ULK4: variants seen among roughly 807,000 people sequenced by gnomAD.
ULK4 encodes the protein inactive serine/threonine-protein kinase ULK4.
A neutral mutation model predicts 160.6 loss-of-function variants in ULK4; 133 were observed. The ratio of observed to expected loss-of-function variants is 0.83; its 90% confidence interval spans 0.72 to 0.96. The LOEUF (loss-of-function observed/expected upper bound fraction) is 0.96, where lower values mean the gene tolerates loss of function less well. ULK4 is among the 40% of genes least tolerant of loss of function. ULK4 has a pLI of 0.00. For synonymous variants in ULK4, 534 were observed against 539.8 expected, an observed-to-expected ratio of 0.99 and a Z score of 0.15; for missense variants, 1,580 against 1,499.5, an observed-to-expected ratio of 1.05 and a Z score of -0.89.
intron 22 of ULK4, among the ~76,000 whole-genome samples, chr3:41,743,380 G>A (rs955508758): frequency 2.0e-5 from 3 of 151,358 alleles, no homozygotes; most frequent in African/African-American, 4.9e-5. Flanking sequence ...TAATCTTCAG[G>A]AATAAAGGAG....
chr3:41,691,841 T>G (rs9814399), intron 27 of ULK4, among the ~76,000 whole-genome samples: 29,250 of 151,352 alleles, frequency 0.19, 7,472 homozygotes, highest in African/African-American at 0.59. Flanking sequence ...AATTGTACGC[T>G]TTAATGACAA....
intron 17 of ULK4, among the ~76,000 whole-genome samples, chr3:41,841,605 C>T (rs1043429438): frequency 1.3e-5 from 2 of 152,150 alleles, no homozygotes; most frequent in Admixed American, 1.3e-4. Flanking sequence ...CTCTGCCAGG[C>T]CGCCCCATCT....
chr3:41,389,844 G>T lies in ULK4; in HGVS notation c.3678+8235C>A, dbSNP rs188910681. 6.1e-3 allele frequency among the ~76,000 whole-genome samples: 928 copies of T among 152,080 alleles called. 10 individuals are homozygous for T. The highest frequency in any genetic ancestry group is 0.021 in the African/African-American group (860 of 41,506). On this transcript the variant is annotated intron_variant, in intron 35 of 36. Coordinates refer to ENST00000301831, the MANE Select transcript of ULK4 (RefSeq NM_017886.4). Reference sequence around the variant, plus strand: ...TGGTCTAAAATTCTCTTTTTTTGTTGTGTCTCTGCCAGGCTTTGGTATCAG... The same window carrying T: ...TGGTCTAAAATTCTCTTTTTTTGTTTTGTCTCTGCCAGGCTTTGGTATCAG...
intron 35 of ULK4, among the ~76,000 whole-genome samples, chr3:41,337,716 A>C (rs2080593781): frequency 6.6e-6 from 1 of 152,210 alleles, no homozygotes; most frequent in Non-Finnish European, 1.5e-5. Context: ...TGGAATTTTC[A>C]CAGCCATTTA....
intron 32 of ULK4, among the ~76,000 whole-genome samples, chr3:41,479,623 T>G (rs143916371): frequency 0.011 from 1,710 of 152,256 alleles, 16 homozygotes; most frequent in Non-Finnish European, 0.017. Context: ...GATTTGAACA[T>G]GCTGTATTCA....
At chr3:41,500,188 C>CT (rs1278835563) in intron 32 of ULK4, among the ~76,000 whole-genome samples, 1 of 148,550 alleles carries the variant, frequency 6.7e-6, no homozygotes, top group Non-Finnish European at 1.5e-5. Flanking sequence ...TTAATTTCTG[C>CT]TTTTTTATTA....
In ULK4 at chr3:41,941,981, C is replaced by T. The variant is rs115254030; in HGVS notation, c.139-3784G>A. 8.5e-3 allele frequency among the ~76,000 whole-genome samples: 1,294 copies of T among 152,106 alleles called. 16 individuals are homozygous for T. Among genetic ancestry groups the T allele is most frequent in the African/African-American group, 0.03 (1,243 of 41,510 alleles). On this transcript the variant is annotated intron_variant, in intron 2 of 36. Coordinates refer to ENST00000301831, the MANE Select transcript of ULK4 (RefSeq NM_017886.4). Reference sequence around the variant, plus strand: ...CCAGCACTCCTCATCATTCAACATACGCCCCACGCCTACTCTTCCAAATGC... The same window carrying T: ...CCAGCACTCCTCATCATTCAACATATGCCCCACGCCTACTCTTCCAAATGC...
At chr3:41,952,819 C>T (rs1056841910) in intron 2 of ULK4, among the ~76,000 whole-genome samples, 2 of 152,180 alleles carry the variant, frequency 1.3e-5, no homozygotes, top group African/African-American at 2.4e-5. Flanking sequence ...CTTGTGTCCA[C>T]TGTTACATAA....
intron 18 of ULK4, among the ~76,000 whole-genome samples, chr3:41,833,731 T>C (rs1052782041): frequency 9.2e-5 from 14 of 152,192 alleles, no homozygotes; most frequent in Admixed American, 2.0e-4. Context: ...TTTGCTGAAG[T>C]TGCTTATCAG....
intron 2 of ULK4, among the ~76,000 whole-genome samples, chr3:41,945,134 A>G (rs559792308): frequency 6.6e-6 from 1 of 152,314 alleles, no homozygotes; most frequent in South Asian, 2.1e-4. Context: ...CCATCAGAAC[A>G]TTAAGGAATC....
intron 17 of ULK4, among the ~76,000 whole-genome samples, chr3:41,856,551 G>GTA (rs1172095341): frequency 1.1e-3 from 47 of 44,434 alleles, no homozygotes; most frequent in South Asian, 1.9e-3. Flanking sequence ...ATATATATGT[G>GTA]TATATATATA....
chr3:41,436,715 C>T (rs548237751), intron 34 of ULK4, among the ~76,000 whole-genome samples: 12 of 152,178 alleles, frequency 7.9e-5, no homozygotes, highest in Non-Finnish European at 1.5e-4. Flanking sequence ...CGAGCAACCA[C>T]GTCCTTTCAT....
intron 19 of ULK4, among the ~76,000 whole-genome samples, chr3:41,812,233 A>G (rs1034553807): frequency 9.2e-5 from 14 of 152,180 alleles, no homozygotes; most frequent in South Asian, 2.1e-4. Context: ...TGCAGTGAAC[A>G]GTGATCACAC....
chr3:41,568,557 T>C (rs1329950923), intron 31 of ULK4, among the ~76,000 whole-genome samples: 1 of 152,206 alleles, frequency 6.6e-6, no homozygotes, highest in African/African-American at 2.4e-5. Context: ...ATCTAATATG[T>C]GTTTCTAGGA....
At chr3:41,247,268 A>G (rs1203186864) in intron 36 of ULK4, among the ~76,000 whole-genome samples, 2 of 152,178 alleles carry the variant, frequency 1.3e-5, no homozygotes, top group African/African-American at 4.8e-5. Context: ...AGTGGTAGGC[A>G]GCCAGACTCT....
chr3:41,859,322 C>A, intron 17 of ULK4: 13 of 591,350 alleles, frequency 2.2e-5, no homozygotes. Flanking sequence ...ACCTCAAAGA[C>A]TGAGCACTGT....
At chr3:41,824,351 A>G (rs7649989) in intron 18 of ULK4, among the ~76,000 whole-genome samples, 67 of 151,554 alleles carry the variant, frequency 4.4e-4, no homozygotes, top group Middle Eastern at 3.4e-3. Flanking sequence ...CGAGCATAAG[A>G]CAAAGCAGGG....
At chr3:41,366,604 C>T (rs1050111224) in intron 35 of ULK4, among the ~76,000 whole-genome samples, 4 of 150,958 alleles carry the variant, frequency 2.6e-5, no homozygotes, top group Admixed American at 6.6e-5. Context: ...TGTATATATA[C>T]ACACACACAC....
chr3:41,520,966 T>C (rs1469118717), intron 32 of ULK4, among the ~76,000 whole-genome samples: 2 of 152,224 alleles, frequency 1.3e-5, no homozygotes, highest in Non-Finnish European at 2.9e-5. Flanking sequence ...ATTAATTCCT[T>C]ATCAGATATG....
Sources: allele counts gnomAD v4.1 joint callset (sites outside exome capture counted in the v4.1 genomes callset), GRCh38; gene constraint gnomAD v4.1.1; transcripts MANE v1.5; gene names NCBI Gene and HGNC (gene_info 2026-07-23, HGNC 2026-07-21).